Variants in ASIC2 observed in about 807,000 individuals in gnomAD.
ASIC2 encodes acid-sensing ion channel 2.
Under a neutral mutation model 57.3 loss-of-function variants are expected in ASIC2, and 25 were observed. The ratio of observed to expected loss-of-function variants is 0.44; its 90% confidence interval spans 0.32 to 0.61. The LOEUF is 0.61. Among genes scored for constraint, ASIC2 ranks in the 20% least tolerant of loss-of-function variants. ASIC2 has a pLI of 0.06. For missense variants in ASIC2, 641 were observed against 738.1 expected (o/e 0.87, Z 1.52); for synonymous variants, 319 against 307.5 (o/e 1.04, Z -0.39).
intron 1 of ASIC2, among the ~76,000 whole-genome samples, chr17:33,250,181 C>T (rs1488006820): frequency 6.6e-6 from 1 of 152,214 alleles, no homozygotes; most frequent in Admixed American, 6.5e-5. Flanking sequence ...TGTGTTTAAG[C>T]TACCAGGCAC....
upstream of ASIC2, among the ~76,000 whole-genome samples, chr17:33,294,822 A>G (rs1302036766): frequency 6.6e-6 from 1 of 152,136 alleles, no homozygotes; most frequent in Non-Finnish European, 1.5e-5. Flanking sequence ...CATTGATGAC[A>G]GTTTGCTTTG....
intron 1 of ASIC2, among the ~76,000 whole-genome samples, chr17:33,790,629 T>G (rs1466888264): frequency 6.6e-6 from 1 of 152,110 alleles, no homozygotes; most frequent in Non-Finnish European, 1.5e-5. Context: ...AGACTTTAGC[T>G]TTCCTTAGGC....
intron 1 of ASIC2, among the ~76,000 whole-genome samples, chr17:34,120,722 C>CTT (rs142959293): frequency 1.3e-3 from 121 of 94,550 alleles, no homozygotes; most frequent in East Asian, 2.3e-3. Flanking sequence ...TGGGGTCCTT[C>CTT]TTTTTTTTTT....
chr17:33,334,051 T>C (rs762887942), intron 1 of ASIC2, among the ~76,000 whole-genome samples: 5 of 152,220 alleles, frequency 3.3e-5, no homozygotes, highest in Non-Finnish European at 5.9e-5. Flanking sequence ...AGGAAGCTGC[T>C]CAGTTGCTCA....
chr17:33,713,672 G>A (rs373608364), intron 1 of ASIC2, among the ~76,000 whole-genome samples: 2 of 152,242 alleles, frequency 1.3e-5, no homozygotes, highest in Non-Finnish European at 2.9e-5. Flanking sequence ...CCAGGTAGAC[G>A]TGAATTTGAG....
At chr17:33,393,401 A>G (rs916361882) in intron 1 of ASIC2, among the ~76,000 whole-genome samples, 1 of 151,956 alleles carries the variant, frequency 6.6e-6, no homozygotes, top group African/African-American at 2.4e-5. Context: ...TCCCGCCCAC[A>G]TATCTGAACT....
chr17:33,904,163 C>CA (rs769795292), intron 1 of ASIC2, among the ~76,000 whole-genome samples: 25,692 of 55,724 alleles, frequency 0.46, 7,073 homozygotes, highest in African/African-American at 0.59. Flanking sequence ...AACTCCGTCT[C>CA]AAAAAAAAAA....
intron 1 of ASIC2, among the ~76,000 whole-genome samples, chr17:34,077,314 C>T (rs759393880): frequency 4.6e-5 from 7 of 152,188 alleles, no homozygotes; most frequent in Non-Finnish European, 1.5e-5. Flanking sequence ...GCCCTGGGCT[C>T]CTCTCCTGTG....
intron 1 of ASIC2, among the ~76,000 whole-genome samples, chr17:34,114,072 A>G (rs1911358892): frequency 1.3e-5 from 2 of 152,166 alleles, no homozygotes; most frequent in South Asian, 4.1e-4. Context: ...GGATCATCAC[A>G]AGGTGGAATT....
At chr17:33,828,600 TG>T (rs578179037) in intron 1 of ASIC2, 175 of 152,252 alleles carry the variant, frequency 1.1e-3, no homozygotes, top group African/African-American at 3.9e-3. Flanking sequence ...GCTCTTGGAA[TG>T]GGATGTGAAT....
intron 1 of ASIC2, among the ~76,000 whole-genome samples, chr17:33,392,050 C>T (rs749087186): frequency 2.3e-4 from 35 of 152,314 alleles, no homozygotes; most frequent in African/African-American, 6.3e-4. Context: ...TTTTGCCCTT[C>T]GCCAATGGAT....
chr17:33,942,303 A>G (rs919426450), intron 1 of ASIC2, among the ~76,000 whole-genome samples: 1 of 151,946 alleles, frequency 6.6e-6, no homozygotes, highest in Admixed American at 6.6e-5. Context: ...GAAGAGGGGA[A>G]CTCAACCCCT....
At chr17:33,337,044 C>T (rs1907541520) in intron 1 of ASIC2, among the ~76,000 whole-genome samples, 1 of 147,114 alleles carries the variant, frequency 6.8e-6, no homozygotes, top group Non-Finnish European at 1.5e-5. Context: ...TTGGGCTCTC[C>T]AAGCACCCTC....
At chr17:33,717,178 A>C (rs181725040) in intron 1 of ASIC2, among the ~76,000 whole-genome samples, 16 of 152,382 alleles carry the variant, frequency 1.0e-4, no homozygotes, top group African/African-American at 3.8e-4. Context: ...AGGCACACAA[A>C]AAGGGTGTAA....
chr17:33,760,580 GTA>G (rs1910750907), intron 1 of ASIC2, among the ~76,000 whole-genome samples: 3 of 151,164 alleles, frequency 2.0e-5, no homozygotes, highest in African/African-American at 7.3e-5. Context: ...TTATTTATGT[GTA>G]TATAAAGCAG....
intron 1 of ASIC2, among the ~76,000 whole-genome samples, chr17:33,261,874 G>A (rs1909294788): frequency 6.6e-6 from 1 of 152,152 alleles, no homozygotes; most frequent in Non-Finnish European, 1.5e-5. Flanking sequence ...CTATCCCAGA[G>A]GAGGCCAGCT....
At chr17:33,990,725 A>G (rs1423926162) in intron 1 of ASIC2, among the ~76,000 whole-genome samples, 2 of 152,186 alleles carry the variant, frequency 1.3e-5, no homozygotes, top group African/African-American at 2.4e-5. Context: ...AGCAAAGCGC[A>G]ATGTGAGAAG....
chr17:33,521,763 C>T (rs558090803), intron 1 of ASIC2, among the ~76,000 whole-genome samples: 18 of 152,338 alleles, frequency 1.2e-4, no homozygotes, highest in Non-Finnish European at 2.1e-4. Context: ...TCATGCCCCA[C>T]GGTCATCATC....
Position 33,767,629 on chromosome 17 carries a change from A to G in ASIC2, c.555+388349T>C, listed in dbSNP as rs1910971124. 2.0e-5 allele frequency among the ~76,000 whole-genome samples: 3 copies of G among 152,374 alleles called. No homozygotes were observed. In the South Asian group the frequency reaches 6.2e-4, roughly 32 times the overall value. Reference sequence around the variant, plus strand: ...CTCATAAAATTTAAGTTAAATCTCTACTTAATTTATATCAGATAATGCTAA... The same window carrying G: ...CTCATAAAATTTAAGTTAAATCTCTGCTTAATTTATATCAGATAATGCTAA... On this transcript the variant is annotated intron_variant, in intron 1 of 9. Transcript: ENST00000359872.
Sources: allele counts gnomAD v4.1 joint callset (sites outside exome capture counted in the v4.1 genomes callset), GRCh38; gene constraint gnomAD v4.1.1; transcripts MANE v1.5; gene names NCBI Gene and HGNC (gene_info 2026-07-23, HGNC 2026-07-21).